The following CADM1 variants were observed in gnomAD, a reference collection of about 807,000 sequenced individuals.
CADM1 encodes TSLC-1.
In CADM1, 15 loss-of-function variants were observed where a neutral mutation model predicts 53.1. The ratio of observed to expected loss-of-function variants is 0.28; its 90% CI spans 0.19 to 0.44. The LOEUF is 0.44. Among genes scored for constraint, CADM1 ranks in the 20% least tolerant of loss-of-function variants. The pLI, the probability that CADM1 is intolerant of heterozygous loss-of-function variation, is 1.00. For missense variants in CADM1, 434 were observed against 611.3 expected (o/e 0.71, Z 3.06); for synonymous variants, 281 against 243.0 (o/e 1.16, Z -1.45).
At chr11:115,327,909 T>C (rs1945002574) in intron 1 of CADM1, among the ~76,000 whole-genome samples, 1 of 152,168 alleles carries the variant, frequency 6.6e-6, no homozygotes, top group Non-Finnish European at 1.5e-5. Flanking sequence ...ACTACCTTCT[T>C]TGGAATGCTA....
In CADM1 at chr11:115,210,197, AAGAG is replaced by A. The variant is rs1203308963; in HGVS notation, c.995-544_995-541del. On this transcript the variant is annotated intron_variant, in intron 7 of 11. Transcript: ENST00000331581. Reference sequence around the variant, plus strand: ...TTCTCTACTCATAATAAATACAAAGAAGAGAGAATGTCACCACTAAATATCAAGT... The same window carrying A: ...TTCTCTACTCATAATAAATACAAAGAAGAATGTCACCACTAAATATCAAGT... Among the ~76,000 whole-genome samples the A allele has an allele frequency of 2.6e-5, 4 of 152,232 alleles. No homozygotes were observed. The East Asian group carries it at 7.7e-4, about 29-fold the overall frequency.
intron 1 of CADM1, among the ~76,000 whole-genome samples, chr11:115,301,601 T>C (rs1056470313): frequency 7.2e-5 from 11 of 152,110 alleles, no homozygotes; most frequent in Non-Finnish European, 1.3e-4. Context: ...ACTGATCATA[T>C]AGCCCCCAAG....
chr11:115,190,141 T>C (rs533818157), intron 10 of CADM1, among the ~76,000 whole-genome samples: 4 of 152,336 alleles, frequency 2.6e-5, no homozygotes, highest in African/African-American at 9.6e-5. Flanking sequence ...TATTAAGTGA[T>C]GGATGGAAAG....
At chr11:115,285,432 T>C (rs1404192727) in intron 1 of CADM1, among the ~76,000 whole-genome samples, 1 of 152,242 alleles carries the variant, frequency 6.6e-6, no homozygotes, top group African/African-American at 2.4e-5. Flanking sequence ...ATCCCCATTT[T>C]AAGTGAGGAA....
rs559831323 is a variant in CADM1, at chr11:115,175,529, C to T, written c.*945G>A. On this transcript the variant is annotated 3_prime_UTR_variant, in exon 12 of 12. Coordinates refer to ENST00000331581, the MANE Select transcript of CADM1 (RefSeq NM_001301043.2). Reference sequence around the variant, plus strand: ...AACCAGAGCAGAACTGTATTTCCCCCCTCCCTACTTCCCCTCCTGTGGCAA... The same window carrying T: ...AACCAGAGCAGAACTGTATTTCCCCTCTCCCTACTTCCCCTCCTGTGGCAA... The T allele has an allele frequency of 1.0e-6, 1 of 985,502 alleles. No individual in the cohort carries two copies. Among genetic ancestry groups the T allele is most frequent in the South Asian group, 4.7e-5 (1 of 21,280 alleles). The allele number at this position is 985,502 out of a possible 1,614,324, so 61.0% of individuals were successfully genotyped here.
At chr11:115,493,767 A>G (rs1768019172) in intron 1 of CADM1, among the ~76,000 whole-genome samples, 1 of 152,134 alleles carries the variant, frequency 6.6e-6, no homozygotes, top group Non-Finnish European at 1.5e-5. Context: ...TGATCAAACA[A>G]TTTGTAGAAC....
chr11:115,241,927 T>C (rs1038785978), intron 1 of CADM1, among the ~76,000 whole-genome samples: 3 of 150,308 alleles, frequency 2.0e-5, no homozygotes, highest in African/African-American at 7.3e-5. Context: ...TTAGAATAAA[T>C]GGAAGGTTTC....
At chr11:115,413,088 T>A (rs1348044476) in intron 1 of CADM1, among the ~76,000 whole-genome samples, 1 of 152,172 alleles carries the variant, frequency 6.6e-6, no homozygotes, top group Admixed American at 6.5e-5. Context: ...CCTAAAGAAA[T>A]ATCTGGTTTA....
At chr11:115,358,345 C>G (rs997074653) in intron 1 of CADM1, among the ~76,000 whole-genome samples, 4 of 152,174 alleles carry the variant, frequency 2.6e-5, no homozygotes, top group Admixed American at 2.0e-4. Flanking sequence ...AAAGGCCTCA[C>G]GTGGCTGAGG....
chr11:115,305,753 G>C (rs1944347806), intron 1 of CADM1, among the ~76,000 whole-genome samples: 1 of 151,606 alleles, frequency 6.6e-6, no homozygotes, highest in Non-Finnish European at 1.5e-5. Context: ...TCAAAAAGGT[G>C]AAGCACCAAA....
chr11:115,191,375 A>G (rs1214345686), intron 9 of CADM1, among the ~76,000 whole-genome samples: 4 of 152,244 alleles, frequency 2.6e-5, no homozygotes, highest in Non-Finnish European at 5.9e-5. Context: ...AACACAGTTC[A>G]TTATCAATTT....
At position 115,239,328 on chromosome 11, in the gene CADM1, C is replaced by T. The variant is rs1019845690; in HGVS notation, c.272-676G>A. On this transcript the variant is annotated intron_variant, in intron 2 of 11. Coordinates refer to ENST00000331581, the MANE Select transcript of CADM1 (RefSeq NM_001301043.2). ...GCTGCCAAAAGTGGATGACCTCGAG[C>T]CTACGGAGGCCTTAAACTGGTCCTG... Among the ~76,000 whole-genome samples, 10 of 152,278 alleles carry T rather than the reference C, an allele frequency of 6.6e-5. No homozygotes were observed. The East Asian group carries it at 1.9e-3, about 29-fold the overall frequency.
At chr11:115,289,589 T>C (rs1466226728) in intron 1 of CADM1, among the ~76,000 whole-genome samples, 10 of 124,930 alleles carry the variant, frequency 8.0e-5, no homozygotes, top group Non-Finnish European at 1.2e-4. Flanking sequence ...TTTTCTTTTT[T>C]TTTCTTTTTT....
At position 115,502,136 on chromosome 11, in the gene CADM1, C is replaced by A. The variant is rs376503151; in HGVS notation, c.124+2135G>T. ...CTCCTAAGTCAGCATATATCCCTCGCAGGGAAGGCAACTTCTCACCGCGAG... is the reference window on the plus strand; with the variant it reads ...CTCCTAAGTCAGCATATATCCCTCGAAGGGAAGGCAACTTCTCACCGCGAG... On this transcript the variant is annotated intron_variant, in intron 1 of 11. Transcript: ENST00000331581. 2.0e-4 allele frequency among the ~76,000 whole-genome samples: 30 copies of A among 152,206 alleles called. No homozygotes were observed. In the East Asian group the frequency reaches 3.1e-3, roughly 16 times the overall value.
chr11:115,251,089 T>C (rs1325061448), intron 1 of CADM1, among the ~76,000 whole-genome samples: 1 of 152,200 alleles, frequency 6.6e-6, no homozygotes, highest in African/African-American at 2.4e-5. Flanking sequence ...TGTTCCAATA[T>C]GTGATACTGA....
rs907906076 is a variant in CADM1, at chr11:115,285,862, G to A, written c.125-45442C>T. 3.9e-5 allele frequency among the ~76,000 whole-genome samples: 6 copies of A among 152,066 alleles called. No homozygotes were observed. In the South Asian group the frequency reaches 1.0e-3, roughly 26 times the overall value. The stretch of plus-strand genomic sequence containing the variant: ...TCTTAGCATGAATCCCCGGTGCCCC[G>A]CCAAGAGCCTGAAACCTTGGCACTC... On this transcript the variant is annotated intron_variant, in intron 1 of 11. Transcript: ENST00000331581.
chr11:115,380,240 A>G (rs1591762822), intron 1 of CADM1, among the ~76,000 whole-genome samples: 1 of 152,214 alleles, frequency 6.6e-6, no homozygotes, highest in East Asian at 1.9e-4. Flanking sequence ...AAAGAATTAT[A>G]AAATGGTCAG....
intron 1 of CADM1, among the ~76,000 whole-genome samples, chr11:115,339,052 G>C (rs112259651): frequency 0.013 from 572 of 45,204 alleles, 3 homozygotes; most frequent in African/African-American, 0.049. Context: ...CCCCTCCCCC[G>C]ACCCCACCAC....
At chr11:115,403,555 T>C (rs1006283044) in intron 1 of CADM1, among the ~76,000 whole-genome samples, 1 of 152,176 alleles carries the variant, frequency 6.6e-6, no homozygotes, top group Non-Finnish European at 1.5e-5. Context: ...TTTGCAATTT[T>C]TTTTTTGGTA....
Sources: gnomAD v4.1 joint callset for allele counts (sites outside exome capture counted in the v4.1 genomes callset) on GRCh38, gnomAD v4.1.1 for gene constraint, MANE v1.5 for transcripts, NCBI Gene and HGNC (gene_info 2026-07-23, HGNC 2026-07-21) for gene names.